Variants in NEK10 observed in about 807,000 individuals in gnomAD.
NEK10 encodes serine/threonine-protein kinase Nek10.
NEK10 carries 122 observed loss-of-function variants against 159.8 expected under a neutral mutation model. The observed-to-expected ratio is 0.76, with a 90% CI of 0.66 to 0.89. The LOEUF is 0.89. Among genes scored for constraint, NEK10 ranks in the 40% least tolerant of loss-of-function variants. NEK10 has a pLI of 0.00. For missense variants in NEK10, 1,342 were observed against 1,323.1 expected, an observed-to-expected ratio of 1.01 and a Z score of -0.22; for synonymous variants, 466 against 457.1, an observed-to-expected ratio of 1.02 and a Z score of -0.25.
At chr3:27,262,597 G>A (rs1412895710) in intron 22 of NEK10, among the ~76,000 whole-genome samples, 3 of 152,076 alleles carry the variant, frequency 2.0e-5, no homozygotes, top group Non-Finnish European at 4.4e-5. Flanking sequence ...TTCCATCACT[G>A]ATACCTTTTC....
At chr3:27,242,575 G>T (rs943665468) in intron 23 of NEK10, among the ~76,000 whole-genome samples, 3 of 152,142 alleles carry the variant, frequency 2.0e-5, no homozygotes, top group Middle Eastern at 3.2e-3. Flanking sequence ...GGCTCCTAGG[G>T]GAAGGGACAG....
intron 31 of NEK10, among the ~76,000 whole-genome samples, chr3:27,133,540 C>T (rs1185158658): frequency 2.0e-5 from 3 of 152,038 alleles, no homozygotes; most frequent in Non-Finnish European, 2.9e-5. Context: ...TTTGGGAGGC[C>T]GAGGCAGGAG....
At chr3:27,227,627 A>G (rs1271287667) in intron 23 of NEK10, among the ~76,000 whole-genome samples, 1 of 152,148 alleles carries the variant, frequency 6.6e-6, no homozygotes, top group Non-Finnish European at 1.5e-5. Flanking sequence ...TACAGGATAA[A>G]CCCTTGATTC....
intron 23 of NEK10, among the ~76,000 whole-genome samples, chr3:27,239,437 G>T (rs761602664): frequency 6.6e-6 from 1 of 152,170 alleles, no homozygotes; most frequent in African/African-American, 2.4e-5. Context: ...GAGAAAGGGA[G>T]AAGAAGGCAG....
At chr3:27,189,393 G>T (rs1396318630) in intron 26 of NEK10, among the ~76,000 whole-genome samples, 2 of 151,988 alleles carry the variant, frequency 1.3e-5, no homozygotes, top group Non-Finnish European at 2.9e-5. Flanking sequence ...CAAAATTTCA[G>T]TAATTCACAG....
intron 8 of NEK10, 134 bp from the exon 9 acceptor site, chr3:27,311,150 T>C: frequency 1.9e-6 from 1 of 526,194 alleles, no homozygotes; most frequent in East Asian, 3.1e-5. Flanking sequence ...GAACAACAGA[T>C]GCAGGAGCAG....
chr3:27,333,338 G>A (rs2046559863), intron 5 of NEK10, among the ~76,000 whole-genome samples: 2 of 151,994 alleles, frequency 1.3e-5, no homozygotes, highest in African/African-American at 4.8e-5. Flanking sequence ...TTGAGGTCAG[G>A]AGATCAAGAC....
chr3:27,200,790 C>G (rs1226946916), intron 25 of NEK10, among the ~76,000 whole-genome samples: 3 of 152,048 alleles, frequency 2.0e-5, no homozygotes, highest in Admixed American at 6.5e-5. Flanking sequence ...AGCAGAGACC[C>G]AGAGGAAGTG....
At chr3:27,200,105 C>T (rs1949921853) in intron 25 of NEK10, among the ~76,000 whole-genome samples, 1 of 151,894 alleles carries the variant, frequency 6.6e-6, no homozygotes, top group Non-Finnish European at 1.5e-5. Context: ...TACCTCTGAA[C>T]TTAAAAATTT....
chr3:27,287,943 C>A (rs2042733195), intron 19 of NEK10, among the ~76,000 whole-genome samples, 200 bp from the exon 20 acceptor site: 1 of 152,114 alleles, frequency 6.6e-6, no homozygotes, highest in Non-Finnish European at 1.5e-5. Context: ...CTGAAAATAG[C>A]AATCCTCTAT....
intron 29 of NEK10, among the ~76,000 whole-genome samples, chr3:27,163,361 T>C (rs1180648493): frequency 6.7e-6 from 1 of 149,126 alleles, no homozygotes; most frequent in Non-Finnish European, 1.5e-5. Context: ...CAATTTTTCT[T>C]TTTTTTTTTG....
chr3:27,287,286 G>A (rs1286224532), intron 20 of NEK10, among the ~76,000 whole-genome samples: 3 of 152,108 alleles, frequency 2.0e-5, no homozygotes, highest in East Asian at 1.9e-4. Context: ...CTGAACTTCA[G>A]GTAAAAGAAA....
intron 5 of NEK10, among the ~76,000 whole-genome samples, chr3:27,323,161 G>C (rs2045769011): frequency 6.6e-6 from 1 of 152,190 alleles, no homozygotes; most frequent in South Asian, 2.1e-4. Context: ...GGGAAGAGGA[G>C]AAATCCAAGC....
chr3:27,138,460 T>C (rs1575464015), intron 31 of NEK10, among the ~76,000 whole-genome samples: 2 of 152,336 alleles, frequency 1.3e-5, no homozygotes, highest in East Asian at 3.9e-4. Context: ...TCTATATTTG[T>C]TCCTTTCTTG....
chr3:27,363,730 G>T (rs2048849900), intron 1 of NEK10: 1 of 152,172 alleles, frequency 6.6e-6, no homozygotes, highest in African/African-American at 2.4e-5. Flanking sequence ...CTAAAGGAAA[G>T]ATGAGTATTC....
At chr3:27,143,548 A>G in intron 30 of NEK10, 1 of 700,306 alleles carries the variant, frequency 1.4e-6, no homozygotes, top group Non-Finnish European at 2.6e-6. Flanking sequence ...TTTTTAACTC[A>G]AAAATTATTT....
intron 23 of NEK10, among the ~76,000 whole-genome samples, chr3:27,229,687 T>A (rs1231159745): frequency 6.6e-6 from 1 of 152,068 alleles, no homozygotes; most frequent in Non-Finnish European, 1.5e-5. Context: ...CAATCAGAAC[T>A]TCTGGAAATG....
intron 26 of NEK10, among the ~76,000 whole-genome samples, chr3:27,190,856 G>A (rs746820444): frequency 4.6e-5 from 7 of 152,134 alleles, no homozygotes; most frequent in Non-Finnish European, 8.8e-5. Context: ...AAAGCAAAGT[G>A]AGCTCTAACT....
intron 23 of NEK10, among the ~76,000 whole-genome samples, chr3:27,227,639 A>T (rs1321454371): frequency 6.6e-5 from 10 of 152,190 alleles, no homozygotes; most frequent in Admixed American, 6.5e-4. Context: ...CCTTGATTCC[A>T]TCATAACACA....
Sources: gnomAD v4.1 joint callset for allele counts (sites outside exome capture counted in the v4.1 genomes callset) on GRCh38, gnomAD v4.1.1 for gene constraint, MANE v1.5 for transcripts, NCBI Gene and HGNC (gene_info 2026-07-23, HGNC 2026-07-21) for gene names.